RNLS: variants seen among roughly 807,000 people sequenced by gnomAD.
RNLS encodes the protein renalase, FAD dependent amine oxidase.
Under a neutral mutation model 39.8 loss-of-function variants are expected in RNLS, and 39 were observed. The ratio of observed to expected loss-of-function variants is 0.98; its 90% CI spans 0.76 to 1.28. The LOEUF is 1.28. RNLS is among the 50% of genes most tolerant of loss of function. The pLI is 0.00. For missense variants in RNLS, 410 were observed against 413.3 expected (o/e 0.99, Z 0.07); for synonymous variants, 147 against 150.7 (o/e 0.98, Z 0.18).
intron 6 of RNLS, chr10:88,275,140 A>T: frequency 1.2e-6 from 1 of 853,248 alleles, no homozygotes; most frequent in South Asian, 1.5e-5. Flanking sequence ...ACATATATAG[A>T]CCTGGAATGG....
chr10:88,440,125 G>T (rs1041727376), intron 4 of RNLS, among the ~76,000 whole-genome samples: 1 of 152,072 alleles, frequency 6.6e-6, no homozygotes, highest in African/African-American at 2.4e-5. Context: ...AATGTTTGTT[G>T]AGTCTCTCTG....
intron 6 of RNLS, among the ~76,000 whole-genome samples, chr10:88,312,042 G>A (rs1845422613): frequency 6.6e-6 from 1 of 152,234 alleles, no homozygotes; most frequent in Non-Finnish European, 1.5e-5. Context: ...TGGGAGAAAG[G>A]AGGGTGTGGC....
chr10:88,506,376 C>T (rs970247439), intron 4 of RNLS, among the ~76,000 whole-genome samples: 7 of 151,952 alleles, frequency 4.6e-5, no homozygotes, highest in Non-Finnish European at 1.0e-4. Context: ...TCACAGTGTG[C>T]ATTTATCATT....
At chr10:88,315,180 T>C (rs922682574) in intron 5 of RNLS, among the ~76,000 whole-genome samples, 2 of 152,264 alleles carry the variant, frequency 1.3e-5, no homozygotes, top group Non-Finnish European at 2.9e-5. Context: ...TTCTTCTCTA[T>C]GTTTTAATTA....
At chr10:88,220,623 G>A in the RNLS span, among the ~76,000 whole-genome samples, 1 of 152,196 alleles carries the variant, frequency 6.6e-6, no homozygotes, top group Non-Finnish European at 1.5e-5. Flanking sequence ...TGCTGGCAGT[G>A]TGCAAGGCAG....
the RNLS span, among the ~76,000 whole-genome samples, chr10:88,192,993 C>T: frequency 6.6e-6 from 1 of 152,166 alleles, no homozygotes; most frequent in Non-Finnish European, 1.5e-5. Flanking sequence ...TACCTCCACT[C>T]ATTCCTGACA....
chr10:88,198,610 G>A, the RNLS span, among the ~76,000 whole-genome samples: 139,594 of 152,130 alleles, frequency 0.92, 64,220 homozygotes, highest in African/African-American at 0.95. Context: ...TGGATCATGG[G>A]TCACTCTTCT....
intron 4 of RNLS, among the ~76,000 whole-genome samples, chr10:88,466,574 C>T (rs185527046): frequency 7.4e-4 from 112 of 152,194 alleles, no homozygotes; most frequent in Non-Finnish European, 1.0e-3. Flanking sequence ...CTTTGCAACC[C>T]GCCTCCACCT....
chr10:88,175,219 C>A, the RNLS span, among the ~76,000 whole-genome samples: 1 of 151,376 alleles, frequency 6.6e-6, no homozygotes, highest in African/African-American at 2.4e-5. Flanking sequence ...TTTTGTTCAT[C>A]TTTTGTATTT....
At chr10:88,202,763 C>A in the RNLS span, among the ~76,000 whole-genome samples, 1 of 152,196 alleles carries the variant, frequency 6.6e-6, no homozygotes, top group Admixed American at 6.5e-5. Context: ...TGCCTCTTGA[C>A]GGGGCGCCCT....
chr10:88,285,597 G>A, intron 6 of RNLS, 91 bp from the exon 7 acceptor site: 5 of 1,062,038 alleles, frequency 4.7e-6, no homozygotes, highest in Non-Finnish European at 6.9e-6. Flanking sequence ...AGTCTACCTG[G>A]AGAAATCAAG....
intron 4 of RNLS, among the ~76,000 whole-genome samples, chr10:88,456,595 G>A (rs1403937736): frequency 2.6e-5 from 4 of 152,072 alleles, no homozygotes; most frequent in African/African-American, 7.2e-5. Flanking sequence ...AGGTAGGGCC[G>A]CCCACTATAC....
the RNLS span, among the ~76,000 whole-genome samples, chr10:88,247,550 A>G: frequency 6.6e-6 from 1 of 152,198 alleles, no homozygotes; most frequent in Admixed American, 6.5e-5. Flanking sequence ...AAACAGGAAC[A>G]ATAACAATGC....
At chr10:88,575,543 G>A (rs1299694148) in intron 3 of RNLS, among the ~76,000 whole-genome samples, 1 of 151,914 alleles carries the variant, frequency 6.6e-6, no homozygotes, top group African/African-American at 2.4e-5. Flanking sequence ...TTTATCAAGA[G>A]GTAGGAGAAA....
intron 4 of RNLS, among the ~76,000 whole-genome samples, chr10:88,516,161 A>G (rs997296762): frequency 6.6e-6 from 1 of 152,016 alleles, no homozygotes; most frequent in Non-Finnish European, 1.5e-5. Context: ...CTGTTGTTTA[A>G]GCTATCCAGT....
the RNLS span, among the ~76,000 whole-genome samples, chr10:88,210,598 A>C: frequency 6.6e-6 from 1 of 152,150 alleles, no homozygotes; most frequent in Non-Finnish European, 1.5e-5. Context: ...ACATAATCAC[A>C]GAACAATTGT....
intron 6 of RNLS, among the ~76,000 whole-genome samples, chr10:88,309,766 T>A (rs764906459): frequency 2.6e-5 from 4 of 152,098 alleles, no homozygotes; most frequent in Non-Finnish European, 5.9e-5. Context: ...TGTGGGTTAT[T>A]AAGAGAGCAA....
chr10:88,376,033 G>A (rs1165315744), intron 4 of RNLS, among the ~76,000 whole-genome samples: 1 of 152,094 alleles, frequency 6.6e-6, no homozygotes, highest in Admixed American at 6.6e-5. Flanking sequence ...TTATCTGGGA[G>A]CAGCCCTCAG....
chr10:88,203,374 A>ACGGG, the RNLS span, among the ~76,000 whole-genome samples: 2 of 2,252 alleles, frequency 8.9e-4, 1 homozygote, highest in Non-Finnish European at 3.2e-3. Context: ...GTGTGTATAT[A>ACGGG]TATATATATA....
Sources: gnomAD v4.1 joint callset for allele counts (sites outside exome capture counted in the v4.1 genomes callset) on GRCh38, gnomAD v4.1.1 for gene constraint, MANE v1.5 for transcripts, NCBI Gene and HGNC (gene_info 2026-07-23, HGNC 2026-07-21) for gene names.